Variants in COPA observed in about 807,000 individuals in gnomAD.
COPA encodes the protein coat protein complex I subunit alpha.
Under a neutral mutation model 158.7 loss-of-function variants are expected in COPA, and 10 were observed. The observed-to-expected ratio is 0.06, with a 90% confidence interval of 0.04 to 0.11. The LOEUF is 0.11. Ranked by LOEUF, COPA falls within the 10% of genes least tolerant of loss-of-function variation. COPA has a pLI of 1.00. For synonymous variants in COPA, 462 were observed against 542.8 expected, an observed-to-expected ratio of 0.85 and a Z score of 2.07; for missense variants, 1,065 against 1,536.7, an observed-to-expected ratio of 0.69 and a Z score of 5.13.
intron 6 of COPA, among the ~76,000 whole-genome samples, chr1:160,326,387 T>C (rs879389070): frequency 2.0e-5 from 3 of 152,112 alleles, no homozygotes; most frequent in Admixed American, 6.5e-5. Flanking sequence ...ATTAGCTAGG[T>C]GCAGTGGCGC....
chr1:160,305,240 G>T, intron 17 of COPA, 193 bp downstream of exon 17: 3 of 525,766 alleles, frequency 5.7e-6, no homozygotes, highest in Admixed American at 3.4e-5. Flanking sequence ...TAATGTAATT[G>T]TCTATATTTG....
At chr1:160,293,528 T>C in intron 25 of COPA, 65 bp from the exon 26 acceptor site, 5 of 1,250,328 alleles carry the variant, frequency 4.0e-6, no homozygotes, top group Non-Finnish European at 5.5e-6. Context: ...AGGGTCACAC[T>C]CTGTCACCTA....
chr1:160,299,309 C>T, intron 17 of COPA, 45 bp from the exon 18 acceptor site: 1 of 1,560,922 alleles, frequency 6.4e-7, no homozygotes, highest in Non-Finnish European at 8.7e-7. Flanking sequence ...AGGGAAAATC[C>T]ATCCTGTGAA....
At chr1:160,291,580 AAC>A (rs1217076951) in intron 30 of COPA, 84 bp from the exon 31 acceptor site, 2 of 1,486,294 alleles carry the variant, frequency 1.3e-6, no homozygotes, top group South Asian at 1.2e-5. Flanking sequence ...ATGCATAAAA[AAC>A]ACAACACAAA....
At position 160,312,030 on chromosome 1, in the gene COPA, G is replaced by A; in HGVS notation, c.926-12C>T. The A allele has an allele frequency of 6.2e-7, 1 of 1,608,460 alleles. No homozygotes were observed. The highest frequency in any genetic ancestry group is 8.5e-7 in the Non-Finnish European group (1 of 1,176,918). The stretch of plus-strand genomic sequence containing the variant: ...ACCACCATCATGGCCTGGGGGACAG[G>A]GAGAGGAGGAGAAAAAATTAAGCTG... On this transcript the variant is annotated splice_polypyrimidine_tract_variant and intron_variant, in intron 10 of 32. Transcript: ENST00000241704.
chr1:160,308,835 A>G (rs536750155), intron 13 of COPA: 1 of 399,566 alleles, frequency 2.5e-6, no homozygotes, highest in East Asian at 4.4e-5. Flanking sequence ...ATAAACTAGG[A>G]TAACATGCTG....
chr1:160,319,225 G>A (rs1038740664), intron 8 of COPA, among the ~76,000 whole-genome samples: 2 of 151,964 alleles, frequency 1.3e-5, no homozygotes, highest in Admixed American at 1.3e-4. Flanking sequence ...GAAAAGAGCA[G>A]GCGTAGCTAT....
intron 6 of COPA, among the ~76,000 whole-genome samples, chr1:160,332,118 T>C (rs1647555991): frequency 6.6e-6 from 1 of 152,240 alleles, no homozygotes; most frequent in Non-Finnish European, 1.5e-5. Context: ...TTTCTTTTTG[T>C]CATAGATGTA....
chr1:160,301,125 C>T (rs1183374559), intron 17 of COPA, among the ~76,000 whole-genome samples: 1 of 151,726 alleles, frequency 6.6e-6, no homozygotes, highest in Non-Finnish European at 1.5e-5. Flanking sequence ...CCACTGTACT[C>T]CAGCCTGGGG....
In COPA at chr1:160,332,518, C is replaced by A. The variant is rs1647575421; in HGVS notation, c.426G>T (p.Gln142His). ...TGHNHYVMCA[Q>H]FHPTEDLVVS... ...CTACCAAGTCTTCTGTGGGGTGGAACTGAGCACACATCACATAATGGTTGT... is the reference window on the plus strand; with the variant it reads ...CTACCAAGTCTTCTGTGGGGTGGAAATGAGCACACATCACATAATGGTTGT... Residue 142 changes from glutamine (Q) to histidine (H), a missense_variant, in exon 6 of 33, where the codon CAG becomes CAT. Transcript: ENST00000241704. 1.2e-6 allele frequency: 2 copies of A among 1,613,570 alleles called. No homozygotes were observed. Among genetic ancestry groups the A allele is most frequent in the East Asian group, 2.2e-5 (1 of 44,862 alleles).
intron 12 of COPA, among the ~76,000 whole-genome samples, chr1:160,309,744 T>C (rs1009801206): frequency 2.4e-5 from 1 of 42,510 alleles, no homozygotes; most frequent in Non-Finnish European, 4.8e-5. Context: ...TGTCATTTCT[T>C]TTTTTTTTTT....
rs1436730815 is a variant in COPA at position 160,325,599 on chromosome 1, T to C, written c.550A>G (p.Ile184Val). The C allele has an allele frequency of 1.2e-6, 2 of 1,614,238 alleles. No individual in the cohort carries two copies. Among genetic ancestry groups the C allele is most frequent in the Admixed American group, 3.3e-5 (2 of 60,026 alleles). ...PGAVESDVRG[I>V]TGVDLFGTTD... ...GTTCCAAATAGATCAACCCCAGTTA[T>C]TCCTCTCACATCCGATTCCACCGCA... is the stretch of plus-strand genomic sequence containing the variant. Residue 184 changes from isoleucine to valine, a missense_variant, in exon 7 of 33, where the codon ATA becomes GTA. Physicochemically the swap from Ile to Val is conservative, Grantham distance 29. Coordinates refer to ENST00000241704, the MANE Select transcript of COPA (RefSeq NM_004371.4).
intron 7 of COPA, among the ~76,000 whole-genome samples, chr1:160,324,285 C>CTT (rs750360211): frequency 4.6e-4 from 47 of 102,382 alleles, no homozygotes; most frequent in African/African-American, 1.1e-3. Context: ...CTTCTTCATT[C>CTT]TTTTTTTTTT....
intron 8 of COPA, among the ~76,000 whole-genome samples, chr1:160,322,979 A>ATG (rs1272903004): frequency 6.9e-6 from 1 of 145,176 alleles, no homozygotes; most frequent in African/African-American, 2.8e-5. Flanking sequence ...AAAATTACAT[A>ATG]CGCGCACGTG....
chr1:160,326,200 C>T (rs540383722), intron 6 of COPA: 3 of 154,388 alleles, frequency 1.9e-5, no homozygotes, highest in African/African-American at 7.2e-5. Context: ...AGATAACTCA[C>T]TATCTTCGGA....
chr1:160,311,940 T>A lies in COPA; in HGVS notation c.1004A>T (p.Tyr335Phe). 6.2e-7 allele frequency: 1 copy of A among 1,614,090 alleles called. No homozygotes were observed. The change falls in exon 11 of 33, where the codon TAT (tyrosine) becomes TTT (phenylalanine). Residue 335 changes from tyrosine (Y) to phenylalanine (F), a missense_variant. This residue lies in a region of COPA where 980 missense variants were observed against 1,357.8 expected (regional missense o/e 0.72). Coordinates refer to ENST00000241704, the MANE Select transcript of COPA (RefSeq NM_004371.4). ...CTGTCGTAAGAATCGGTCCTTGACA[T>A]AGTGTAGCATATTGCCATGAACAGC... ...AYAVHGNMLH[Y>F]VKDRFLRQLD...
Position 160,343,147 on chromosome 1 carries a change from C to G in COPA, c.24G>C (p.Lys8Asn). ...CTCCACTACCTTTGACCCGCGCGCT[C>G]TTGGTCTCGAATTTGGTTAACATCT... Reference protein sequence around the residue: MLTKFETKSARVKGLSFH... With the variant: MLTKFETNSARVKGLSFH... The change falls in exon 1 of 33, where the codon AAG becomes AAC. Residue 8 changes from lysine to asparagine, a missense_variant. Around this residue, in one of 2 missense-constraint regions of COPA, gnomAD observed 85 missense variants for 178.9 expected, o/e 0.48. Transcript: ENST00000241704. 1.9e-6 allele frequency: 3 copies of G among 1,614,198 alleles called. No homozygotes were observed. Among genetic ancestry groups the G allele is most frequent in the Non-Finnish European group, 2.5e-6 (3 of 1,180,042 alleles).
chr1:160,303,401 A>G (rs1658680626), intron 17 of COPA, among the ~76,000 whole-genome samples: 1 of 152,242 alleles, frequency 6.6e-6, no homozygotes, highest in Non-Finnish European at 1.5e-5. Flanking sequence ...AACATGATTT[A>G]TGTATAACAA....
chr1:160,343,114 C>T lies in COPA; in HGVS notation c.40+17G>A, dbSNP rs7555490. On this transcript the variant is annotated intron_variant, in intron 1 of 32. Transcript: ENST00000241704. ...CTGACATCCAACCTCCATGTTCCCCCTTTTATTCTCCACTACCTTTGACCC... is the reference window on the plus strand; with the variant it reads ...CTGACATCCAACCTCCATGTTCCCCTTTTTATTCTCCACTACCTTTGACCC... 1.1e-5 allele frequency: 18 copies of T among 1,613,994 alleles called. No individual in the cohort carries two copies. Among genetic ancestry groups the T allele is most frequent in the Non-Finnish European group, 1.5e-5 (18 of 1,180,036 alleles).
Sources: allele counts gnomAD v4.1 joint callset (sites outside exome capture counted in the v4.1 genomes callset), GRCh38; gene constraint gnomAD v4.1.1; regional missense constraint gnomAD v4.1.1; transcripts MANE v1.5; gene names NCBI Gene and HGNC (gene_info 2026-07-23, HGNC 2026-07-21).